NPAS2: variants seen among roughly 807,000 people sequenced by gnomAD.
NPAS2 encodes neuronal PAS domain protein 2.
In NPAS2, 23 loss-of-function variants were observed where a neutral mutation model predicts 107.5. That is an observed-to-expected ratio of 0.21 (90% CI 0.15 to 0.30). The LOEUF is 0.30. Ranked by LOEUF, NPAS2 falls within the 10% of genes least tolerant of loss-of-function variation. NPAS2 has a pLI of 1.00. For missense variants in NPAS2, 756 were observed against 1,043.3 expected (o/e 0.72, Z 3.79); for synonymous variants, 403 against 417.5 (o/e 0.97, Z 0.42).
At chr2:100,967,909 G>T (rs2105176264) in intron 10 of NPAS2, among the ~76,000 whole-genome samples, 1 of 152,326 alleles carries the variant, frequency 6.6e-6, no homozygotes, top group Non-Finnish European at 1.5e-5. Flanking sequence ...GCCAATTCTG[G>T]ATGCTCTCTC....
intron 1 of NPAS2, among the ~76,000 whole-genome samples, chr2:100,891,699 C>T (rs1461572995): frequency 2.0e-5 from 3 of 152,216 alleles, no homozygotes; most frequent in Admixed American, 6.5e-5. Context: ...AAACCTCCTA[C>T]GTTTTGATTA....
At chr2:100,963,530 T>C (rs183898391) in intron 7 of NPAS2, among the ~76,000 whole-genome samples, 197 of 152,134 alleles carry the variant, frequency 1.3e-3, no homozygotes, top group African/African-American at 4.1e-3. Flanking sequence ...TCCCAAGCAG[T>C]TGGGATTACA....
At chr2:100,856,352 G>A (rs763876487) in intron 1 of NPAS2, among the ~76,000 whole-genome samples, 3 of 152,180 alleles carry the variant, frequency 2.0e-5, no homozygotes, top group Non-Finnish European at 4.4e-5. Flanking sequence ...CCACATTCCC[G>A]AGCACAGGCT....
chr2:100,893,091 A>C (rs1681181956), intron 1 of NPAS2, among the ~76,000 whole-genome samples: 1 of 152,226 alleles, frequency 6.6e-6, no homozygotes, highest in African/African-American at 2.4e-5. Context: ...GAAGAATCAC[A>C]ATATGGAAGT....
chr2:100,841,591 T>A (rs1010441041), intron 1 of NPAS2, among the ~76,000 whole-genome samples: 3 of 152,218 alleles, frequency 2.0e-5, no homozygotes, highest in Non-Finnish European at 2.9e-5. Context: ...CCAGAGGGGC[T>A]GGTGACTAGT....
At chr2:100,884,593 T>C (rs765116751) in intron 1 of NPAS2, among the ~76,000 whole-genome samples, 2 of 152,124 alleles carry the variant, frequency 1.3e-5, no homozygotes, top group South Asian at 2.1e-4. Flanking sequence ...CTGAGAAAGA[T>C]TGTGGTGGTG....
intron 2 of NPAS2, among the ~76,000 whole-genome samples, chr2:100,909,368 A>G (rs1221390588): frequency 6.6e-6 from 1 of 152,256 alleles, no homozygotes; most frequent in Non-Finnish European, 1.5e-5. Context: ...CAACCCTTTC[A>G]GCCAATTGCT....
chr2:100,938,665 C>T (rs755492112), intron 5 of NPAS2, among the ~76,000 whole-genome samples: 15 of 111,996 alleles, frequency 1.3e-4, no homozygotes, highest in Admixed American at 3.0e-4. Context: ...CATGGGTCTG[C>T]ACCTGGCTGG....
intron 7 of NPAS2, chr2:100,962,634 C>G (rs983980650): frequency 6.6e-6 from 1 of 152,216 alleles, no homozygotes; most frequent in East Asian, 1.9e-4. Context: ...GGGAACCCCA[C>G]CCGTGGACGA....
At chr2:100,989,770 A>C (rs978187592) in intron 17 of NPAS2, 1 of 157,544 alleles carries the variant, frequency 6.3e-6, no homozygotes, top group African/African-American at 2.4e-5. Context: ...ATGGTACAGG[A>C]ATGCTGGTGA....
At chr2:100,919,805 C>T (rs909202506) in intron 2 of NPAS2, among the ~76,000 whole-genome samples, 1 of 152,188 alleles carries the variant, frequency 6.6e-6, no homozygotes, top group Non-Finnish European at 1.5e-5. Flanking sequence ...TGACTATGCA[C>T]CCCTCAAAGC....
At chr2:100,949,291 A>G in intron 6 of NPAS2, 76 bp from the exon 7 acceptor site, 1 of 853,912 alleles carries the variant, frequency 1.2e-6, no homozygotes. Context: ...AAGAGTTTTC[A>G]CAGAGACGCT....
At chr2:100,966,201 G>A (rs1676202331) in intron 10 of NPAS2, among the ~76,000 whole-genome samples, 2 of 152,130 alleles carry the variant, frequency 1.3e-5, no homozygotes, top group Admixed American at 6.5e-5. Flanking sequence ...CCTACTTGCT[G>A]TCCCGCAGGG....
chr2:100,825,847 C>CAGAG (rs1274141324), intron 1 of NPAS2, among the ~76,000 whole-genome samples: 1 of 152,104 alleles, frequency 6.6e-6, no homozygotes, highest in African/African-American at 2.4e-5. Context: ...CATCAGCCAC[C>CAGAG]AGAGGGGCTG....
intron 15 of NPAS2, among the ~76,000 whole-genome samples, chr2:100,978,675 C>A (rs568927259): frequency 1.3e-5 from 2 of 152,234 alleles, no homozygotes; most frequent in Non-Finnish European, 2.9e-5. Flanking sequence ...TCAGCCCTTG[C>A]TTTTAGTTCT....
In NPAS2 at chr2:100,982,335, G is replaced by T. The variant is rs752666027; in HGVS notation, c.1587G>T (p.Lys529Asn). 6.2e-7 allele frequency: 1 copy of T among 1,614,176 alleles called. No individual in the cohort carries two copies. The highest frequency in any genetic ancestry group is 1.1e-5 in the South Asian group (1 of 91,082). The stretch of plus-strand genomic sequence containing the variant: ...GGTGGCAACAGGAAGAGCTCCACAA[G>T]ATCCAGGAGCAGCTCTGCCTGGTCC... ...NIRWQQEELH[K>N]IQEQLCLVQD... The change falls in exon 16 of 21, where the codon AAG becomes AAT. Residue 529 changes from lysine to asparagine, a missense_variant. Physicochemically the swap from Lys to Asn is moderately conservative, Grantham distance 94. Transcript: ENST00000335681.
At chr2:100,843,217 C>CAAAAA (rs67274513) in intron 1 of NPAS2, among the ~76,000 whole-genome samples, 1 of 141,526 alleles carries the variant, frequency 7.1e-6, no homozygotes, top group Non-Finnish European at 1.5e-5. Flanking sequence ...GACTCTGTCT[C>CAAAAA]AAAAAAAAAA....
chr2:100,864,523 G>A (rs1416587499), intron 1 of NPAS2, among the ~76,000 whole-genome samples: 1 of 152,152 alleles, frequency 6.6e-6, no homozygotes, highest in Non-Finnish European at 1.5e-5. Context: ...GGACACGTGG[G>A]AAGTGTCTTC....
chr2:100,942,589 TATTAA>T (rs1397217503), intron 5 of NPAS2, among the ~76,000 whole-genome samples: 3 of 152,102 alleles, frequency 2.0e-5, no homozygotes, highest in African/African-American at 7.2e-5. Context: ...ATATGTTCAG[TATTAA>T]ATTGACCAAG....
Sources: allele counts gnomAD v4.1 joint callset (sites outside exome capture counted in the v4.1 genomes callset), GRCh38; gene constraint gnomAD v4.1.1; transcripts MANE v1.5; gene names NCBI Gene and HGNC (gene_info 2026-07-23, HGNC 2026-07-21).